GPC6: variants seen among roughly 807,000 people sequenced by gnomAD.
GPC6 encodes the protein glypican-6.
In GPC6, 14 loss-of-function variants were observed where a neutral mutation model predicts 55.2. The observed-to-expected ratio is 0.25, with a 90% CI of 0.17 to 0.40. The LOEUF (loss-of-function observed/expected upper bound fraction) is 0.40, where lower values mean the gene tolerates loss of function less well. Among genes scored for constraint, GPC6 ranks in the 10% least tolerant of loss-of-function variants. The pLI is 1.00. For missense variants in GPC6, 641 were observed against 708.5 expected (o/e 0.90, Z 1.08); for synonymous variants, 278 against 259.6 (o/e 1.07, Z -0.68).
At chr13:94,216,417 G>A (rs1289647629) in intron 4 of GPC6, among the ~76,000 whole-genome samples, 1 of 152,086 alleles carries the variant, frequency 6.6e-6, no homozygotes, top group Non-Finnish European at 1.5e-5. Context: ...TTCACATTGT[G>A]CAAAATACTA....
intron 2 of GPC6, among the ~76,000 whole-genome samples, chr13:93,765,305 A>AATTTCCAGATAAG (rs1885090421): frequency 6.8e-6 from 1 of 146,062 alleles, no homozygotes; most frequent in Non-Finnish European, 1.5e-5. Flanking sequence ...TGGAAAGACA[A>AATTTCCAGATAAG]CTTATTTGGT....
intron 2 of GPC6, among the ~76,000 whole-genome samples, chr13:93,581,657 T>C (rs1876941238): frequency 6.6e-6 from 1 of 152,130 alleles, no homozygotes; most frequent in African/African-American, 2.4e-5. Flanking sequence ...TGAGCGAAGA[T>C]TGCGCTGCTG....
At chr13:93,305,558 G>T (rs1878828226) in intron 1 of GPC6, among the ~76,000 whole-genome samples, 2 of 152,250 alleles carry the variant, frequency 1.3e-5, no homozygotes, top group Admixed American at 6.5e-5. Context: ...CCATGAAAGA[G>T]CCACGGAGAT....
At chr13:93,309,700 T>G (rs1263719376) in intron 1 of GPC6, among the ~76,000 whole-genome samples, 1 of 152,208 alleles carries the variant, frequency 6.6e-6, no homozygotes, top group East Asian at 1.9e-4. Context: ...TGTTACTTTT[T>G]ATTTTTATAA....
intron 1 of GPC6, among the ~76,000 whole-genome samples, chr13:93,464,647 T>C (rs1025699598): frequency 3.3e-5 from 5 of 152,208 alleles, no homozygotes; most frequent in Non-Finnish European, 7.4e-5. Context: ...TTTTCTCCAT[T>C]GAATTCTTGG....
At chr13:93,957,468 A>G (rs1879559985) in intron 3 of GPC6, among the ~76,000 whole-genome samples, 1 of 152,156 alleles carries the variant, frequency 6.6e-6, no homozygotes, top group Non-Finnish European at 1.5e-5. Context: ...AAGTGAGAAC[A>G]TGAGGTATTT....
intron 2 of GPC6, among the ~76,000 whole-genome samples, chr13:93,727,227 A>G (rs960499114): frequency 6.6e-6 from 1 of 152,196 alleles, no homozygotes; most frequent in African/African-American, 2.4e-5. Flanking sequence ...CCACTAAAAT[A>G]TACTGCTCTT....
At chr13:93,698,678 T>C (rs1389181923) in intron 2 of GPC6, among the ~76,000 whole-genome samples, 1 of 151,990 alleles carries the variant, frequency 6.6e-6, no homozygotes, top group African/African-American at 2.4e-5. Flanking sequence ...AAAATATGTC[T>C]GCCCCATCTT....
At chr13:93,385,654 T>C (rs1285474044) in intron 1 of GPC6, among the ~76,000 whole-genome samples, 2 of 152,194 alleles carry the variant, frequency 1.3e-5, no homozygotes, top group African/African-American at 4.8e-5. Flanking sequence ...TTTCAGTTTA[T>C]ATTCCCTACT....
At chr13:94,039,067 A>G (rs576836644) in intron 4 of GPC6, among the ~76,000 whole-genome samples, 30 of 151,834 alleles carry the variant, frequency 2.0e-4, no homozygotes, top group East Asian at 3.9e-4. Context: ...CCAGGGGGGG[A>G]AAAACAGTGG....
intron 1 of GPC6, among the ~76,000 whole-genome samples, chr13:93,447,266 A>G (rs1350458516): frequency 6.6e-6 from 1 of 152,204 alleles, no homozygotes; most frequent in East Asian, 1.9e-4. Flanking sequence ...TATTAGCTGT[A>G]ACATTTACAT....
At chr13:94,185,970 G>A (rs1889167427) in intron 4 of GPC6, among the ~76,000 whole-genome samples, 1 of 141,934 alleles carries the variant, frequency 7.0e-6, no homozygotes, top group Non-Finnish European at 1.5e-5. Context: ...TGAGGCAGGA[G>A]AATGGCATGA....
chr13:94,000,926 A>G (rs894327838), intron 3 of GPC6, among the ~76,000 whole-genome samples: 4 of 152,172 alleles, frequency 2.6e-5, no homozygotes, highest in African/African-American at 4.8e-5. Flanking sequence ...TGGAGCTTGC[A>G]TAGTTTTCTT....
At chr13:93,776,560 C>T (rs560219145) in intron 2 of GPC6, among the ~76,000 whole-genome samples, 3 of 151,536 alleles carry the variant, frequency 2.0e-5, no homozygotes, top group Admixed American at 6.6e-5. Context: ...TCCATCAATA[C>T]GTTTCTCTTA....
intron 4 of GPC6, among the ~76,000 whole-genome samples, chr13:94,231,113 G>A (rs965788026): frequency 6.6e-6 from 1 of 152,140 alleles, no homozygotes; most frequent in African/African-American, 2.4e-5. Context: ...CTAGAGCCTA[G>A]CACAAGGTTT....
At chr13:94,355,259 A>G (rs181361517) in intron 6 of GPC6, among the ~76,000 whole-genome samples, 1 of 149,620 alleles carries the variant, frequency 6.7e-6, no homozygotes, top group Non-Finnish European at 1.5e-5. Context: ...CTGACCTCAA[A>G]TGATCCTCCC....
intron 4 of GPC6, among the ~76,000 whole-genome samples, chr13:94,257,885 A>T (rs559396119): frequency 3.5e-4 from 53 of 152,332 alleles, no homozygotes; most frequent in South Asian, 6.2e-4. Context: ...GGGTAGAGTG[A>T]CTTGAACACA....
At chr13:93,480,787 T>C (rs1228375545) in intron 1 of GPC6, among the ~76,000 whole-genome samples, 1 of 152,208 alleles carries the variant, frequency 6.6e-6, no homozygotes, top group Admixed American at 6.5e-5. Context: ...CCATTCCTTT[T>C]TATTGCCTAA....
At chr13:94,228,448 A>C (rs1890621559) in intron 4 of GPC6, among the ~76,000 whole-genome samples, 1 of 152,228 alleles carries the variant, frequency 6.6e-6, no homozygotes, top group African/African-American at 2.4e-5. Context: ...CATCTGAAAA[A>C]TAACTATTTC....
Sources: allele counts gnomAD v4.1 joint callset (sites outside exome capture counted in the v4.1 genomes callset), GRCh38; gene constraint gnomAD v4.1.1; transcripts MANE v1.5; gene names NCBI Gene and HGNC (gene_info 2026-07-23, HGNC 2026-07-21).